The following DNAH6 variants were observed in gnomAD, a reference collection of about 807,000 sequenced individuals.
DNAH6 encodes axonemal beta dynein heavy chain 6.
Under a neutral mutation model 491.4 loss-of-function variants are expected in DNAH6, and 340 were observed. The observed-to-expected ratio is 0.69, with a 90% CI of 0.63 to 0.76. DNAH6 has a LOEUF of 0.76. Ranked by LOEUF, DNAH6 falls within the 30% of genes least tolerant of loss-of-function variation. The pLI is 0.00. For missense variants in DNAH6, 4,443 were observed against 4,972.2 expected (o/e 0.89, Z 3.20); for synonymous variants, 1,603 against 1,686.1 (o/e 0.95, Z 1.21).
intron 9 of DNAH6, 63 bp from the exon 10 acceptor site, chr2:84,552,855 T>A: frequency 1.1e-6 from 1 of 920,560 alleles, no homozygotes; most frequent in South Asian, 2.0e-5. Context: ...TCCCTTGTTT[T>A]TTTATTTTGT....
In DNAH6 at chr2:84,812,437, C is replaced by A. The variant is rs1680080301; in HGVS notation, c.11836C>A (p.Pro3946Thr). Residue 3946 changes from proline to threonine, a missense_variant, in exon 73 of 77, where the codon CCC (proline) becomes ACC (threonine). Physicochemically the swap from Pro to Thr is conservative, Grantham distance 38 (BLOSUM62 -1). Coordinates refer to ENST00000389394, the MANE Select transcript of DNAH6 (RefSeq NM_001370.2). ...TAACAGTTTCCTCAACAACCAGGTT[C>A]CCGCTCTGTGGTCCAACACAGCCTA... ...VYNSFLNNQV[P>T]ALWSNTAYPS... 1 of 1,551,752 alleles carries A rather than the reference C, an allele frequency of 6.4e-7. No individual in the cohort carries two copies. The highest frequency in any genetic ancestry group is 8.7e-7 in the Non-Finnish European group (1 of 1,146,998).
rs1680830401 is a variant in DNAH6 at position 84,819,589 on chromosome 2, A to T, written c.*181A>T. ...AGTGTTTGAGTTCTTTCTGTTGGCAATCCAAGCTCTGCTGTAGAAGCAGTG... is the reference window on the plus strand; with the variant it reads ...AGTGTTTGAGTTCTTTCTGTTGGCATTCCAAGCTCTGCTGTAGAAGCAGTG... On this transcript the variant is annotated 3_prime_UTR_variant, in exon 77 of 77. Transcript: ENST00000389394. 1.1e-5 allele frequency: 5 copies of T among 462,002 alleles called. No homozygotes were observed. The highest frequency in any genetic ancestry group is 1.5e-5 in the Non-Finnish European group (4 of 260,338). 28.6% of individuals were successfully genotyped at this position (462,002 alleles called of 1,614,324 possible).
At chr2:84,665,262 AG>A (rs778379962) in intron 37 of DNAH6, among the ~76,000 whole-genome samples, 15 of 152,214 alleles carry the variant, frequency 9.9e-5, no homozygotes, top group Non-Finnish European at 1.5e-4. Context: ...GCAGAACTGA[AG>A]GAGAGAGAGA....
intron 4 of DNAH6, among the ~76,000 whole-genome samples, chr2:84,535,967 C>A (rs1245162707): frequency 6.6e-6 from 1 of 151,862 alleles, no homozygotes; most frequent in East Asian, 1.9e-4. Flanking sequence ...TTGTTACAAC[C>A]AAGGTTTACT....
intron 37 of DNAH6, among the ~76,000 whole-genome samples, chr2:84,665,258 C>G (rs925170788): frequency 6.6e-6 from 1 of 151,980 alleles, no homozygotes; most frequent in African/African-American, 2.4e-5. Flanking sequence ...CAGAGCAGAA[C>G]TGAAGGAGAG....
chr2:84,495,237 A>G, the DNAH6 span, among the ~76,000 whole-genome samples: 1 of 152,216 alleles, frequency 6.6e-6, no homozygotes, highest in Non-Finnish European at 1.5e-5. Context: ...GTCTCGGCTC[A>G]CTGCAACCTC....
intron 22 of DNAH6, among the ~76,000 whole-genome samples, chr2:84,612,899 T>C (rs891057102): frequency 6.6e-6 from 1 of 152,092 alleles, no homozygotes; most frequent in African/African-American, 2.4e-5. Flanking sequence ...TTCTGTCTAC[T>C]GCACTCACTT....
At chr2:84,651,332 A>G (rs1558855176) in intron 33 of DNAH6, among the ~76,000 whole-genome samples, 1 of 152,162 alleles carries the variant, frequency 6.6e-6, no homozygotes, top group East Asian at 1.9e-4. Context: ...ATGAAAGTAC[A>G]TCCCTATTTG....
chr2:84,724,576 A>G (rs888472055), intron 60 of DNAH6, among the ~76,000 whole-genome samples: 6 of 152,066 alleles, frequency 3.9e-5, no homozygotes, highest in Admixed American at 2.0e-4. Context: ...CCCAACCTAA[A>G]TGCTGCTGGG....
At chr2:84,712,834 A>T (rs187239757) in intron 56 of DNAH6, among the ~76,000 whole-genome samples, 1 of 152,210 alleles carries the variant, frequency 6.6e-6, no homozygotes, top group South Asian at 2.1e-4. Flanking sequence ...TCTTCTTCTC[A>T]TGGAAATGAA....
intron 62 of DNAH6, among the ~76,000 whole-genome samples, chr2:84,736,462 C>G (rs1409765357): frequency 6.6e-6 from 1 of 152,098 alleles, no homozygotes; most frequent in Non-Finnish European, 1.5e-5. Flanking sequence ...GATATTGATT[C>G]TTCCAACCCA....
chr2:84,604,642 C>A, intron 19 of DNAH6, 91 bp downstream of exon 19: 1 of 993,532 alleles, frequency 1.0e-6, no homozygotes, highest in Non-Finnish European at 1.5e-6. Context: ...TTTTTTTCAA[C>A]GTTGCAGCTT....
Position 84,659,112 on chromosome 2 carries a change from CTAT to C in DNAH6, c.6028_6030del (p.Tyr2010del), listed in dbSNP as rs1361083204. ...TGGGTGGAAACCTAACTGAAAACTA[CTAT>C]GATTCTTTTGATACATTTATTAGAA... On this transcript the variant is annotated inframe_deletion, in exon 37 of 77. Coordinates refer to ENST00000389394, the MANE Select transcript of DNAH6 (RefSeq NM_001370.2). 2 of 1,517,754 alleles carry C rather than the reference CTAT, an allele frequency of 1.3e-6. No homozygotes were observed. The highest frequency in any genetic ancestry group is 4.0e-5 in the Admixed American group (2 of 49,686). 94.0% of individuals were successfully genotyped at this position (1,517,754 alleles called of 1,614,324 possible). A position where few individuals can be genotyped will look rare whatever the true frequency, so the allele number is the denominator to read the frequency against.
intron 65 of DNAH6, among the ~76,000 whole-genome samples, chr2:84,782,792 T>C (rs1338973949): frequency 6.6e-6 from 1 of 152,058 alleles, no homozygotes; most frequent in Non-Finnish European, 1.5e-5. Flanking sequence ...TCCCCAGTGA[T>C]TAGGAATATA....
At chr2:84,470,676 T>C in the DNAH6 span, among the ~76,000 whole-genome samples, 53 of 152,224 alleles carry the variant, frequency 3.5e-4, no homozygotes, top group Non-Finnish European at 6.8e-4. Context: ...GCTGACCTCG[T>C]ATCTCATCCT....
chr2:84,491,444 A>G, the DNAH6 span, among the ~76,000 whole-genome samples: 5 of 152,170 alleles, frequency 3.3e-5, no homozygotes, highest in African/African-American at 9.7e-5. Flanking sequence ...ACTTACAACA[A>G]TTCTGTTCTC....
chr2:84,547,084 C>A (rs1336099349), intron 5 of DNAH6, among the ~76,000 whole-genome samples, 184 bp from the exon 6 acceptor site: 1 of 152,116 alleles, frequency 6.6e-6, no homozygotes, highest in African/African-American at 2.4e-5. Context: ...TCTGATAATT[C>A]AAGGAGTACT....
At chr2:84,655,440 A>T (rs542601536) in intron 35 of DNAH6, among the ~76,000 whole-genome samples, 8 of 152,190 alleles carry the variant, frequency 5.3e-5, no homozygotes, top group Admixed American at 2.6e-4. Flanking sequence ...GTCCTTTGAG[A>T]TGTTTCCCCC....
rs1009869757 is a variant in DNAH6, at chr2:84,543,976, T to A, written c.663-257T>A. On this transcript the variant is annotated intron_variant, in intron 4 of 76. Coordinates refer to ENST00000389394, the MANE Select transcript of DNAH6 (RefSeq NM_001370.2). ...TTATTAATTTATAGTCAATTCATTT[T>A]AATGTAAAAATCATGTAACTGAAAT... Among the ~76,000 whole-genome samples, 5 of 152,160 alleles carry A rather than the reference T, an allele frequency of 3.3e-5. No individual in the cohort carries two copies. In the South Asian group the frequency reaches 1.0e-3, roughly 31 times the overall value.
Sources: allele counts gnomAD v4.1 joint callset (sites outside exome capture counted in the v4.1 genomes callset), GRCh38; gene constraint gnomAD v4.1.1; transcripts MANE v1.5; gene names NCBI Gene and HGNC (gene_info 2026-07-23, HGNC 2026-07-21).